The following KCNMB1 variants were observed in gnomAD, a reference collection of about 807,000 sequenced individuals.
The protein encoded by KCNMB1 is potassium calcium-activated channel subfamily M regulatory beta subunit 1, also known as calcium-activated potassium channel subunit beta-1.
In KCNMB1, 22 loss-of-function variants were observed where a neutral mutation model predicts 21.7. The observed-to-expected ratio is 1.01, with a 90% CI of 0.72 to 1.45. KCNMB1 has a LOEUF of 1.45. KCNMB1 is among the 40% of genes most tolerant of loss of function. The pLI is 0.00. For missense variants in KCNMB1, 243 were observed against 243.4 expected, an observed-to-expected ratio of 1.00 and a Z score of 0.01; for synonymous variants, 114 against 107.6, an observed-to-expected ratio of 1.06 and a Z score of -0.37.
At chr5:170,386,535 C>G (rs1176541978) in intron 1 of KCNMB1, among the ~76,000 whole-genome samples, 6 of 152,192 alleles carry the variant, frequency 3.9e-5, no homozygotes, top group African/African-American at 1.4e-4. Context: ...TTCCACGGCA[C>G]TTATCTCACA....
chr5:170,388,081 C>T (rs1318030715), intron 1 of KCNMB1, among the ~76,000 whole-genome samples: 2 of 152,190 alleles, frequency 1.3e-5, no homozygotes, highest in African/African-American at 4.8e-5. Flanking sequence ...CCTCTCAGGC[C>T]CCTGGGCACT....
intron 1 of KCNMB1, among the ~76,000 whole-genome samples, chr5:170,388,628 CT>C (rs372632855): frequency 6.6e-5 from 10 of 152,268 alleles, no homozygotes; most frequent in African/African-American, 1.9e-4. Flanking sequence ...GGTCGACATC[CT>C]TTTCCTTAGA....
Position 170,378,489 on chromosome 5 carries a change from C to T in KCNMB1, c.*215G>A. On this transcript the variant is annotated 3_prime_UTR_variant, in exon 4 of 4. Coordinates refer to ENST00000274629, the MANE Select transcript of KCNMB1 (RefSeq NM_004137.4). ...CTAGAACTGGCTGGCCTTATGGCCT[C>T]CAAGGCATTGGGGAGCCACTGTACA... is the stretch of plus-strand genomic sequence containing the variant. 1 of 588,484 alleles carries T rather than the reference C, an allele frequency of 1.7e-6. No individual in the cohort carries two copies. Among genetic ancestry groups the T allele is most frequent in the Non-Finnish European group, 2.9e-6 (1 of 340,206 alleles). The allele number at this position is 588,484 out of a possible 1,614,324, so 36.5% of individuals were successfully genotyped here. A position where few individuals can be genotyped will look rare whatever the true frequency, so the allele number is the denominator to read the frequency against.
At position 170,378,825 on chromosome 5, in the gene KCNMB1, T is replaced by C. The variant is rs1415488482; in HGVS notation, c.455A>G (p.Tyr152Cys). The C allele has an allele frequency of 6.2e-7, 1 of 1,614,202 alleles. No homozygotes were observed. Among genetic ancestry groups the C allele is most frequent in the Non-Finnish European group, 8.5e-7 (1 of 1,180,030 alleles). Residue 152 changes from tyrosine to cysteine, a missense_variant, in exon 4 of 4, where the codon TAC (tyrosine) becomes TGC (cysteine). Coordinates refer to ENST00000274629, the MANE Select transcript of KCNMB1 (RefSeq NM_004137.4). ...GGAGAAGAGGAGGGCCTGGGGCCCG[T>C]AGAGGCGCTGGAATAGGACGCTGGT... is the stretch of plus-strand genomic sequence containing the variant. Reference protein sequence around the residue: ...NETSVLFQRLYGPQALLFSLF... With the variant: ...NETSVLFQRLCGPQALLFSLF...
rs1763943746 is a variant in KCNMB1, at chr5:170,374,830, G to A, written c.*3874C>T. 6.6e-6 allele frequency: 1 copy of A among 152,216 alleles called. No homozygotes were observed. The highest frequency in any genetic ancestry group is 1.5e-5 in the Non-Finnish European group (1 of 68,048). 9.4% of individuals were successfully genotyped at this position (152,216 alleles called of 1,614,324 possible). A position where few individuals can be genotyped will look rare whatever the true frequency, so the allele number is the denominator to read the frequency against. On this transcript the variant is annotated 3_prime_UTR_variant, in exon 4 of 4. Coordinates refer to ENST00000274629, the MANE Select transcript of KCNMB1 (RefSeq NM_004137.4). ...CATAAAGTTCTGTGAGCAGCAGACAGTTGTGGCATTTGCTAGAAGGCCAGT... is the reference window on the plus strand; with the variant it reads ...CATAAAGTTCTGTGAGCAGCAGACAATTGTGGCATTTGCTAGAAGGCCAGT...
At chr5:170,386,950 C>A (rs926992019) in intron 1 of KCNMB1, among the ~76,000 whole-genome samples, 3 of 152,116 alleles carry the variant, frequency 2.0e-5, no homozygotes, top group African/African-American at 4.8e-5. Flanking sequence ...ATCGCTCCCC[C>A]AGGAGTGTGA....
intron 1 of KCNMB1, among the ~76,000 whole-genome samples, chr5:170,387,310 C>G (rs1264789870): frequency 6.6e-6 from 1 of 152,108 alleles, no homozygotes; most frequent in African/African-American, 2.4e-5. Flanking sequence ...GGGTGACAGG[C>G]CTTAGTCCAA....
At position 170,388,018 on chromosome 5, in the gene KCNMB1, G is replaced by GC. The variant is rs3838244; in HGVS notation, c.-25+1240dup. 6.6e-3 allele frequency among the ~76,000 whole-genome samples: 979 copies of GC among 148,906 alleles called. 7 individuals carry two copies. The highest frequency in any genetic ancestry group is 0.028 in the Middle Eastern group (8 of 282). On this transcript the variant is annotated intron_variant, in intron 1 of 3. Transcript: ENST00000274629. ...CCTGTGGCTCCTTCCTGGCTAATCA[G>GC]CCCCCCCCAGCGCCCAGGGCCATGG... is the stretch of plus-strand genomic sequence containing the variant.
intron 3 of KCNMB1, among the ~76,000 whole-genome samples, chr5:170,381,313 G>T (rs1764229511): frequency 6.6e-6 from 1 of 152,240 alleles, no homozygotes; most frequent in Non-Finnish European, 1.5e-5. Flanking sequence ...AAGCCCTGCA[G>T]TGTAAGGTCC....
intron 2 of KCNMB1, 70 bp downstream of exon 2, chr5:170,385,244 C>T (rs200859213): frequency 3.8e-6 from 6 of 1,561,184 alleles, no homozygotes; most frequent in Non-Finnish European, 5.3e-6. Context: ...AGTAGAAGGC[C>T]AGGGTTCCTT....
intron 3 of KCNMB1, among the ~76,000 whole-genome samples, chr5:170,382,192 A>G (rs573829002): frequency 6.6e-6 from 1 of 152,154 alleles, no homozygotes; most frequent in East Asian, 1.9e-4. Flanking sequence ...TCCCAGCCCA[A>G]CTCTGAAACT....
chr5:170,386,528 C>T (rs1452713181), intron 1 of KCNMB1, among the ~76,000 whole-genome samples: 2 of 152,132 alleles, frequency 1.3e-5, no homozygotes, highest in East Asian at 1.9e-4. Flanking sequence ...CACCTCCTTC[C>T]ACGGCACTTA....
intron 2 of KCNMB1, among the ~76,000 whole-genome samples, chr5:170,384,472 G>A (rs1488139945): frequency 6.6e-6 from 1 of 152,240 alleles, no homozygotes; most frequent in Non-Finnish European, 1.5e-5. Context: ...TAAGAGTCCA[G>A]CCTGGAATCG....
chr5:170,382,396 A>G (rs1457852275), intron 3 of KCNMB1, among the ~76,000 whole-genome samples: 1 of 152,068 alleles, frequency 6.6e-6, no homozygotes, highest in Non-Finnish European at 1.5e-5. Flanking sequence ...TGAGACATAC[A>G]CACTCACATT....
At chr5:170,387,535 G>A (rs1314687174) in intron 1 of KCNMB1, among the ~76,000 whole-genome samples, 56 of 152,206 alleles carry the variant, frequency 3.7e-4, no homozygotes, top group Admixed American at 3.7e-3. Context: ...ATCGGCAGAG[G>A]TGACATCCAA....
rs1561597643 is a variant in KCNMB1, at chr5:170,385,322, G to C, written c.126C>G (p.Tyr42Ter). 1 of 1,614,138 alleles carries C rather than the reference G, an allele frequency of 6.2e-7. No individual in the cohort carries two copies. Among genetic ancestry groups the C allele is most frequent in the Non-Finnish European group, 8.5e-7 (1 of 1,180,024 alleles). The change falls in exon 2 of 4, where the codon TAC (tyrosine) becomes TAG (stop). Residue 42 changes from tyrosine to a stop codon, truncating the protein, a stop_gained. Coordinates refer to ENST00000274629, the MANE Select transcript of KCNMB1 (RefSeq NM_004137.4). LOFTEE classifies it high-confidence loss of function. Reference protein sequence around the residue: ...YILVTTVLPLYQKSVWTQESK... With the variant: ...YILVTTVLPL Reference sequence around the variant, plus strand: ...CCGGGAGAGCTCAGTACCTTTTCTGGTAGAGGGGCAGCACAGTCGTGACCA... The same window carrying C: ...CCGGGAGAGCTCAGTACCTTTTCTGCTAGAGGGGCAGCACAGTCGTGACCA...
intron 3 of KCNMB1, chr5:170,383,393 G>T: frequency 1.7e-6 from 1 of 598,844 alleles, no homozygotes; most frequent in Non-Finnish European, 3.0e-6. Flanking sequence ...CTTGATAACA[G>T]CTCTTCAAGG....
intron 2 of KCNMB1, among the ~76,000 whole-genome samples, chr5:170,384,363 G>A (rs1454669355): frequency 1.3e-5 from 2 of 152,224 alleles, no homozygotes; most frequent in Non-Finnish European, 2.9e-5. Flanking sequence ...TTGGAGAGCT[G>A]TGTTCTTTCC....
At chr5:170,383,515 TG>T in intron 3 of KCNMB1, 163 bp downstream of exon 3, 2 of 762,048 alleles carry the variant, frequency 2.6e-6, no homozygotes, top group Non-Finnish European at 4.4e-6. Context: ...CAGGTCTGTG[TG>T]ACTCCAACAC....
Sources: gnomAD v4.1 joint callset for allele counts (sites outside exome capture counted in the v4.1 genomes callset) on GRCh38, gnomAD v4.1.1 for gene constraint, MANE v1.5 for transcripts, NCBI Gene and HGNC (gene_info 2026-07-23, HGNC 2026-07-21) for gene names.